The following HEXA variants were observed in gnomAD, a reference collection of about 807,000 sequenced individuals.
HEXA encodes hexosaminidase subunit alpha.
A neutral mutation model predicts 73.3 loss-of-function variants in HEXA; 54 were observed. That is an observed-to-expected ratio of 0.74 (90% CI 0.59 to 0.92). The LOEUF is 0.92. Among genes scored for constraint, HEXA ranks in the 40% least tolerant of loss-of-function variants. The probability of loss-of-function intolerance (pLI) is 0.00; values close to 1 mark genes in which losing one functional copy is unlikely to be tolerated. For synonymous variants in HEXA, 230 were observed against 246.9 expected (o/e 0.93, Z 0.64); for missense variants, 649 against 653.0 (o/e 0.99, Z 0.07).
intron 1 of HEXA, among the ~76,000 whole-genome samples, chr15:72,373,859 C>T (rs1204245219): frequency 6.6e-6 from 1 of 151,818 alleles, no homozygotes; most frequent in African/African-American, 2.4e-5. Flanking sequence ...ATTAGCTGGG[C>T]GTGGTGGCAA....
intron 2 of HEXA, chr15:72,356,051 CAGCTACTTCCTCCAAGAATGTGAGGA>C: frequency 2.3e-6 from 1 of 429,724 alleles, no homozygotes; most frequent in Non-Finnish European, 4.6e-6. Context: ...CTCTATGCTT[CAGCTACTTCCTCCAAGAATGTGAGGA>C]AGGAGCCAAA....
chr15:72,353,437 T>C (rs987519840), intron 4 of HEXA, among the ~76,000 whole-genome samples: 1 of 152,124 alleles, frequency 6.6e-6, no homozygotes, highest in Non-Finnish European at 1.5e-5. Flanking sequence ...CCTGTTAACA[T>C]AGTTTATTTT....
chr15:72,351,305 G>A (rs1374326802), intron 5 of HEXA, 71 bp from the exon 6 acceptor site: 14 of 1,041,656 alleles, frequency 1.3e-5, no homozygotes, highest in Non-Finnish European at 2.1e-5. Context: ...TGCGATGTTG[G>A]GCGAGCTCTC....
intron 1 of HEXA, chr15:72,357,047 C>T: frequency 3.3e-6 from 1 of 304,252 alleles, no homozygotes; most frequent in Non-Finnish European, 6.5e-6. Context: ...TATATGAAGC[C>T]TGAATGTAAA....
chr15:72,361,820 C>T (rs992162665), intron 1 of HEXA, among the ~76,000 whole-genome samples: 2 of 152,202 alleles, frequency 1.3e-5, no homozygotes, highest in African/African-American at 2.4e-5. Flanking sequence ...CTTAACACAT[C>T]GCCATTTTCC....
At chr15:72,370,290 A>T in intron 1 of HEXA, 1 of 219,288 alleles carries the variant, frequency 4.6e-6, no homozygotes, top group Non-Finnish European at 8.9e-6. Context: ...CCTACAGCTC[A>T]CAGAAATAAA....
Position 72,346,567 on chromosome 15 carries a change from G to C in HEXA, c.1290C>G (p.Asp430Glu), listed in dbSNP as rs745772223. 1 of 1,614,080 alleles carries C rather than the reference G, an allele frequency of 6.2e-7. No homozygotes were observed. Among genetic ancestry groups the C allele is most frequent in the East Asian group, 2.2e-5 (1 of 44,882 alleles). ...GTTCCACTATGTAGAAATCCTTCCA[G>C]TCAGGGCCATAGGATATACGGTTCA... Reference protein sequence around the residue: ...WYLNRISYGPDWKDFYIVEPL... With the variant: ...WYLNRISYGPEWKDFYIVEPL... The change falls in exon 11 of 14, where the codon GAC (aspartate) becomes GAG (glutamate). Residue 430 changes from aspartate (D) to glutamate (E), a missense_variant. Physicochemically the swap from Asp to Glu is conservative, Grantham distance 45. Coordinates refer to ENST00000268097, the MANE Select transcript of HEXA (RefSeq NM_000520.6).
chr15:72,344,883 A>C (rs1026365904), intron 13 of HEXA, among the ~76,000 whole-genome samples: 4 of 152,206 alleles, frequency 2.6e-5, no homozygotes, highest in African/African-American at 9.7e-5. Flanking sequence ...ACATCCTGTA[A>C]GTCAGCCTGG....
intron 1 of HEXA, among the ~76,000 whole-genome samples, chr15:72,361,724 A>G (rs1485769770): frequency 6.6e-6 from 1 of 152,224 alleles, no homozygotes; most frequent in African/African-American, 2.4e-5. Flanking sequence ...AGACTGTCTG[A>G]TATCTCAAAC....
intron 4 of HEXA, among the ~76,000 whole-genome samples, 194 bp from the exon 5 acceptor site, chr15:72,353,372 C>T (rs568565456): frequency 2.0e-5 from 3 of 152,252 alleles, no homozygotes; most frequent in African/African-American, 7.2e-5. Context: ...AATTGTCCAA[C>T]GCCAGCCTAA....
intron 1 of HEXA, among the ~76,000 whole-genome samples, chr15:72,374,534 A>T (rs1349750697): frequency 1.4e-5 from 1 of 73,326 alleles, no homozygotes; most frequent in Admixed American, 1.7e-4. Flanking sequence ...AACACACTTG[A>T]AACATCATAT....
chr15:72,341,191 C>T lies in HEXA; in HGVS notation c.*2886G>A, dbSNP rs1324666716. 2 of 152,174 alleles carry T rather than the reference C, an allele frequency of 1.3e-5. No individual in the cohort carries two copies. The highest frequency in any genetic ancestry group is 6.5e-5 in the Admixed American group (1 of 15,270). 9.4% of individuals were successfully genotyped at this position (152,174 alleles called of 1,614,324 possible). On this transcript the variant is annotated 3_prime_UTR_variant, in exon 14 of 14. Coordinates refer to ENST00000268097, the MANE Select transcript of HEXA (RefSeq NM_000520.6). ...TTCCACCTACATCCTTTCTTTCACC[C>T]TTTCCCAGTATCATTTCAGCTTTCC...
Position 72,355,606 on chromosome 15 carries a change from T to C in HEXA, c.365A>G (p.Asp122Gly). ...SVENYTLTIN[D>G]DQCLLLSETV... ...CTCAGAGAGGAGTAAACACTGGTCATCATTTATGGTCAGGGTATCTGAAAT... is the reference window on the plus strand; with the variant it reads ...CTCAGAGAGGAGTAAACACTGGTCACCATTTATGGTCAGGGTATCTGAAAT... The change falls in exon 3 of 14, where the codon GAT (aspartate) becomes GGT (glycine). Residue 122 changes from aspartate to glycine, a missense_variant. Asp to Gly is a moderately conservative substitution (Grantham distance 94). Coordinates refer to ENST00000268097, the MANE Select transcript of HEXA (RefSeq NM_000520.6). 2 of 1,611,142 alleles carry C rather than the reference T, an allele frequency of 1.2e-6. No individual in the cohort carries two copies. Among genetic ancestry groups the C allele is most frequent in the East Asian group, 4.5e-5 (2 of 44,872 alleles).
intron 1 of HEXA, chr15:72,357,722 C>G (rs1011080714): frequency 6.6e-6 from 1 of 152,160 alleles, no homozygotes; most frequent in South Asian, 2.1e-4. Context: ...AAATGTTACC[C>G]ATCTCCAGGC....
chr15:72,368,356 A>T (rs966472316), intron 1 of HEXA, among the ~76,000 whole-genome samples: 1 of 152,206 alleles, frequency 6.6e-6, no homozygotes, highest in Non-Finnish European at 1.5e-5. Flanking sequence ...GACAAAAGCA[A>T]AATTTATGCA....
chr15:72,349,392 C>G (rs535185906), intron 7 of HEXA, 133 bp from the exon 8 acceptor site: 1 of 743,038 alleles, frequency 1.3e-6, no homozygotes, highest in Non-Finnish European at 2.4e-6. Context: ...TAGGTAGGCA[C>G]ACTTAGGCAC....
In HEXA at chr15:72,350,710, T is replaced by C. The variant is rs1231308529; in HGVS notation, c.673-60A>G. ...TCCTGAAAGCTAGCAGAGTAGAAGA[T>C]ACTCAAAATGCCCACAAGACTCCCC... On this transcript the variant is annotated intron_variant, in intron 6 of 13. Transcript: ENST00000268097. The C allele has an allele frequency of 2.5e-6, 4 of 1,603,362 alleles. No individual in the cohort carries two copies. In the East Asian group the frequency reaches 8.9e-5, roughly 36 times the overall value.
At chr15:72,364,782 A>C (rs910331477) in intron 1 of HEXA, among the ~76,000 whole-genome samples, 1 of 151,744 alleles carries the variant, frequency 6.6e-6, no homozygotes, top group Non-Finnish European at 1.5e-5. Flanking sequence ...ACATTGTTTC[A>C]ATTTCAATTT....
intron 1 of HEXA, among the ~76,000 whole-genome samples, chr15:72,363,918 T>A (rs989719086): frequency 1.3e-5 from 2 of 152,184 alleles, no homozygotes; most frequent in Non-Finnish European, 2.9e-5. Context: ...TTGCACAATT[T>A]TCCAATTTTT....
Sources: gnomAD v4.1 joint callset for allele counts (sites outside exome capture counted in the v4.1 genomes callset) on GRCh38, gnomAD v4.1.1 for gene constraint, MANE v1.5 for transcripts, NCBI Gene and HGNC (gene_info 2026-07-23, HGNC 2026-07-21) for gene names.